AGR2: variants seen among roughly 807,000 people sequenced by gnomAD.
The protein encoded by AGR2 is anterior gradient protein 2 homolog.
Under a neutral mutation model 25.9 loss-of-function variants are expected in AGR2, and 27 were observed. The ratio of observed to expected loss-of-function variants is 1.04; its 90% CI spans 0.77 to 1.44. The LOEUF is 1.44. AGR2 is among the 40% of genes most tolerant of loss of function. The pLI, the probability that AGR2 is intolerant of heterozygous loss-of-function variation, is 0.00. For synonymous variants in AGR2, 78 were observed against 72.0 expected, an observed-to-expected ratio of 1.08 and a Z score of -0.42; for missense variants, 182 against 200.9, an observed-to-expected ratio of 0.91 and a Z score of 0.57.
At chr7:16,800,877 A>C (rs1404712648) in intron 4 of AGR2, among the ~76,000 whole-genome samples, 1 of 152,228 alleles carries the variant, frequency 6.6e-6, no homozygotes, top group Non-Finnish European at 1.5e-5. Flanking sequence ...TATATTTTGA[A>C]GATAAAGCCA....
intron 7 of AGR2, 26 bp from the exon 8 acceptor site, chr7:16,792,983 T>A: frequency 6.2e-7 from 1 of 1,607,176 alleles, no homozygotes; most frequent in South Asian, 1.1e-5. Flanking sequence ...AGCAGGAGAG[T>A]CAAGACACCA....
intron 6 of AGR2, among the ~76,000 whole-genome samples, chr7:16,797,079 G>T (rs1185326347): frequency 3.0e-5 from 4 of 132,176 alleles, no homozygotes; most frequent in Admixed American, 7.7e-5. Flanking sequence ...CTGCAACCAC[G>T]CCTGGCTAAT....
Position 16,801,163 on chromosome 7 carries a change from G to T in AGR2, c.244C>A (p.Pro82Thr), listed in dbSNP as rs759557490. 6 of 1,613,642 alleles carry T rather than the reference G, an allele frequency of 3.7e-6. No individual in the cohort carries two copies. Among genetic ancestry groups the T allele is most frequent in the Non-Finnish European group, 8.5e-7 (1 of 1,179,702 alleles). Residue 82 changes from proline (P) to threonine (T), a missense_variant, in exon 4 of 8, where the codon CCA becomes ACA. By Grantham distance (38) the Pro-to-Thr change is conservative. Coordinates refer to ENST00000419304, the MANE Select transcript of AGR2 (RefSeq NM_006408.4). ...LMIIHHLDEC[P>T]HSQALKKVFA... Reference sequence around the variant, plus strand: ...AAGAATAAATTACCTTGACTGTGTGGGCACTCATCCAAGTGATGAATAATC... The same window carrying T: ...AAGAATAAATTACCTTGACTGTGTGTGCACTCATCCAAGTGATGAATAATC...
At position 16,798,543 on chromosome 7, in the gene AGR2, G is replaced by A. The variant is rs181678357; in HGVS notation, c.331-849C>T. On this transcript the variant is annotated intron_variant, in intron 5 of 7. Transcript: ENST00000419304. ...CAGAAATAGTTAAGAACCACTGGAG[G>A]GATGTTAGAAGAGGCACTGTGACCC... 3.5e-3 allele frequency among the ~76,000 whole-genome samples: 526 copies of A among 152,266 alleles called. 2 individuals are homozygous for A. Among genetic ancestry groups the A allele is most frequent in the African/African-American group, 0.012 (499 of 41,532 alleles).
At position 16,791,999 on chromosome 7, in the gene AGR2, C is replaced by G. The variant is rs927958339; in HGVS notation, c.*909G>C. ...AGACATTAACACACAATTCTAATTTCTGTTAGGCAGAATGCTCCCCTACCC... is the reference window on the plus strand; with the variant it reads ...AGACATTAACACACAATTCTAATTTGTGTTAGGCAGAATGCTCCCCTACCC... On this transcript the variant is annotated 3_prime_UTR_variant, in exon 8 of 8. Coordinates refer to ENST00000419304, the MANE Select transcript of AGR2 (RefSeq NM_006408.4). 6.6e-6 allele frequency: 1 copy of G among 152,168 alleles called. No individual in the cohort carries two copies. The highest frequency in any genetic ancestry group is 2.4e-5 in the African/African-American group (1 of 41,450). 9.4% of individuals were successfully genotyped at this position (152,168 alleles called of 1,614,324 possible).
intron 4 of AGR2, 49 bp downstream of exon 4, chr7:16,801,102 C>G (rs1785133917): frequency 1.3e-6 from 2 of 1,513,460 alleles, no homozygotes; most frequent in Non-Finnish European, 1.8e-6. Flanking sequence ...AACCCTGGCC[C>G]TAAGGCTAAA....
intron 7 of AGR2, 107 bp downstream of exon 7, chr7:16,794,829 C>A: frequency 6.3e-7 from 1 of 1,576,256 alleles, no homozygotes; most frequent in East Asian, 2.4e-5. Context: ...CCGAGGCGTC[C>A]CTAAGCCTAG....
At chr7:16,797,050 T>C (rs1785056676) in intron 6 of AGR2, among the ~76,000 whole-genome samples, 1 of 151,902 alleles carries the variant, frequency 6.6e-6, no homozygotes, top group Non-Finnish European at 1.5e-5. Context: ...GCCTCCCAGG[T>C]AGCTGGGATT....
rs895772673 is a variant in AGR2 at position 16,801,777 on chromosome 7, G to A, written c.20C>T (p.Ser7Leu). 3 of 1,609,246 alleles carry A rather than the reference G, an allele frequency of 1.9e-6. No individual in the cohort carries two copies. Among genetic ancestry groups the A allele is most frequent in the Non-Finnish European group, 2.5e-6 (3 of 1,176,902 alleles). MEKIPV[S>L]AFLLLVALSY... Reference sequence around the variant, plus strand: ...GAGGGCCACAAGGAGCAAGAATGCTGACACTGGAATTTTCTCCATGGCAAC... The same window carrying A: ...GAGGGCCACAAGGAGCAAGAATGCTAACACTGGAATTTTCTCCATGGCAAC... Residue 7 changes from serine (S) to leucine (L), a missense_variant, in exon 2 of 8, where the codon TCA becomes TTA. Transcript: ENST00000419304.
intron 5 of AGR2, 38 bp downstream of exon 5, chr7:16,799,706 C>T (rs1005682199): frequency 9.7e-6 from 14 of 1,441,624 alleles, no homozygotes; most frequent in Middle Eastern, 1.8e-4. Context: ...AGTAATGAGC[C>T]ATAGAGAAAT....
At chr7:16,793,739 A>G (rs1784998796) in intron 7 of AGR2, among the ~76,000 whole-genome samples, 1 of 152,220 alleles carries the variant, frequency 6.6e-6, no homozygotes. Flanking sequence ...AGCTTGCTCA[A>G]GGTCACACAG....
chr7:16,795,513 C>G (rs1481657590), intron 6 of AGR2, among the ~76,000 whole-genome samples: 1 of 152,024 alleles, frequency 6.6e-6, no homozygotes, highest in Non-Finnish European at 1.5e-5. Flanking sequence ...TTCAAATAAG[C>G]ATATAGTACC....
chr7:16,803,365 A>AT (rs1243631467), intron 1 of AGR2, among the ~76,000 whole-genome samples: 2 of 152,178 alleles, frequency 1.3e-5, no homozygotes, highest in Admixed American at 6.5e-5. Flanking sequence ...AGTGCTAAAA[A>AT]GGAAATATGA....
chr7:16,800,402 A>G (rs776845401), intron 4 of AGR2, among the ~76,000 whole-genome samples: 14 of 152,228 alleles, frequency 9.2e-5, no homozygotes, highest in Non-Finnish European at 2.1e-4. Context: ...AACAGCACGA[A>G]GGCCAGGCTG....
At chr7:16,803,639 T>C (rs899682367) in intron 1 of AGR2, among the ~76,000 whole-genome samples, 1 of 152,142 alleles carries the variant, frequency 6.6e-6, no homozygotes, top group African/African-American at 2.4e-5. Context: ...TAAGCAAAAA[T>C]CAGGGATATA....
rs1785070923 is a variant in AGR2, at chr7:16,797,611, T to C, written c.394+20A>G. On this transcript the variant is annotated intron_variant, in intron 6 of 7. Coordinates refer to ENST00000419304, the MANE Select transcript of AGR2 (RefSeq NM_006408.4). ...CACTAGTATGTGTTTCCGAGTTATC[T>C]CACTGTCACTTCCGCTTACCAACAA... 1.2e-6 allele frequency: 2 copies of C among 1,611,968 alleles called. No homozygotes were observed. Among genetic ancestry groups the C allele is most frequent in the Non-Finnish European group, 1.7e-6 (2 of 1,178,504 alleles).
intron 4 of AGR2, among the ~76,000 whole-genome samples, chr7:16,800,890 A>G (rs1785129953): frequency 6.6e-6 from 1 of 152,202 alleles, no homozygotes; most frequent in Non-Finnish European, 1.5e-5. Context: ...TAAAGCCAGT[A>G]TTTGCTGGTG....
chr7:16,794,102 C>T lies in AGR2; in HGVS notation c.478+834G>A, dbSNP rs114034551. ...GATGATCTCTCCTGCTTCCTAGACA[C>T]GGCCTCACTTCTCTTCCCAACATGA... On this transcript the variant is annotated intron_variant, in intron 7 of 7. Coordinates refer to ENST00000419304, the MANE Select transcript of AGR2 (RefSeq NM_006408.4). Among the ~76,000 whole-genome samples the T allele has an allele frequency of 6.2e-3, 940 of 152,268 alleles. 8 individuals carry two copies. Among genetic ancestry groups the T allele is most frequent in the African/African-American group, 0.021 (875 of 41,544 alleles).
At chr7:16,801,881 G>T (rs1419932356) in intron 1 of AGR2, 78 bp from the exon 2 acceptor site, 2 of 1,305,792 alleles carry the variant, frequency 1.5e-6, no homozygotes, top group Non-Finnish European at 2.1e-6. Context: ...GCCCCACAAC[G>T]GTGGAATATA....
Sources: gnomAD v4.1 joint callset for allele counts (sites outside exome capture counted in the v4.1 genomes callset) on GRCh38, gnomAD v4.1.1 for gene constraint, MANE v1.5 for transcripts, NCBI Gene and HGNC (gene_info 2026-07-23, HGNC 2026-07-21) for gene names.